The following DLG2 variants were observed in gnomAD, a reference collection of about 807,000 sequenced individuals.
The protein encoded by DLG2 is discs large MAGUK scaffold protein 2.
A neutral mutation model predicts 132.5 loss-of-function variants in DLG2; 45 were observed. The observed-to-expected ratio is 0.34, with a 90% CI of 0.27 to 0.44. The LOEUF (loss-of-function observed/expected upper bound fraction) is 0.44, where lower values mean the gene tolerates loss of function less well. Among genes scored for constraint, DLG2 ranks in the 20% least tolerant of loss-of-function variants. DLG2 has a pLI of 1.00. For missense variants in DLG2, 1,045 were observed against 1,196.9 expected, an observed-to-expected ratio of 0.87 and a Z score of 1.87; for synonymous variants, 424 against 419.6, an observed-to-expected ratio of 1.01 and a Z score of -0.13.
At chr11:85,521,048 A>G (rs1480230333) in intron 3 of DLG2, among the ~76,000 whole-genome samples, 1 of 152,238 alleles carries the variant, frequency 6.6e-6, no homozygotes, top group East Asian at 1.9e-4. Context: ...TCCGCATAGC[A>G]AAGAAACTAA....
chr11:85,573,669 C>G (rs890182588), intron 3 of DLG2, among the ~76,000 whole-genome samples: 1 of 152,132 alleles, frequency 6.6e-6, no homozygotes, highest in East Asian at 1.9e-4. Context: ...TAACTTATAT[C>G]CCCCCAATAA....
chr11:83,866,655 C>A (rs1381133330), intron 16 of DLG2, among the ~76,000 whole-genome samples: 5 of 152,020 alleles, frequency 3.3e-5, no homozygotes, highest in Non-Finnish European at 7.4e-5. Context: ...TTTTTAAACC[C>A]ATTTATTAAA....
intron 11 of DLG2, among the ~76,000 whole-genome samples, chr11:83,985,883 T>C (rs1260254380): frequency 6.6e-6 from 1 of 152,066 alleles, no homozygotes; most frequent in Non-Finnish European, 1.5e-5. Flanking sequence ...AGTGATGGGA[T>C]TGCTAGGTTG....
intron 6 of DLG2, among the ~76,000 whole-genome samples, chr11:85,023,492 C>T (rs536269091): frequency 1.4e-4 from 21 of 152,034 alleles, no homozygotes; most frequent in African/African-American, 1.9e-4. Context: ...ACTTTGTCTA[C>T]TTATCTCCTT....
intron 6 of DLG2, among the ~76,000 whole-genome samples, chr11:84,760,429 T>G (rs994461481): frequency 1.3e-5 from 2 of 152,128 alleles, no homozygotes; most frequent in Non-Finnish European, 2.9e-5. Context: ...ATGTTACAGG[T>G]TTACCAATAG....
chr11:84,938,891 C>A (rs1323527125), intron 6 of DLG2, among the ~76,000 whole-genome samples: 1 of 152,050 alleles, frequency 6.6e-6, no homozygotes, highest in African/African-American at 2.4e-5. Context: ...ATAAATATAA[C>A]CCTTTGTGTG....
In DLG2 at chr11:84,524,543, C is replaced by T. The variant is rs2099314285; in HGVS notation, c.519+10027G>A. Among the ~76,000 whole-genome samples the T allele has an allele frequency of 2.0e-5, 3 of 152,304 alleles. No individual in the cohort carries two copies. In the South Asian group the frequency reaches 6.2e-4, roughly 32 times the overall value. On this transcript the variant is annotated intron_variant, in intron 7 of 27. Coordinates refer to ENST00000376104, the MANE Select transcript of DLG2 (RefSeq NM_001142699.3). Reference sequence around the variant, plus strand: ...GCTGTGCACAAGTCACAAATCTCTGCCAAACCTTTATGTTTTTATTAACTA... The same window carrying T: ...GCTGTGCACAAGTCACAAATCTCTGTCAAACCTTTATGTTTTTATTAACTA...
intron 3 of DLG2, among the ~76,000 whole-genome samples, chr11:85,540,424 G>T (rs983518975): frequency 6.6e-6 from 1 of 152,178 alleles, no homozygotes; most frequent in African/African-American, 2.4e-5. Context: ...AATTTGGTCA[G>T]TAGTGATCAG....
chr11:84,955,294 C>A (rs540558222), intron 6 of DLG2: 1 of 152,282 alleles, frequency 6.6e-6, no homozygotes, highest in South Asian at 2.1e-4. Context: ...CATATTTAAT[C>A]TTCATAACAA....
chr11:84,038,621 T>A (rs2095948912), intron 11 of DLG2, among the ~76,000 whole-genome samples: 1 of 152,126 alleles, frequency 6.6e-6, no homozygotes, highest in Non-Finnish European at 1.5e-5. Flanking sequence ...CTGGGGCAAC[T>A]ACTGTTGTCA....
intron 19 of DLG2, among the ~76,000 whole-genome samples, chr11:83,566,712 G>GGGGT (rs1555199213): frequency 6.9e-6 from 1 of 143,952 alleles, no homozygotes; most frequent in Non-Finnish European, 1.5e-5. Context: ...CAGAGGGCAT[G>GGGGT]GTGTGTGTGT....
At chr11:84,811,652 CAT>C (rs2076570817) in intron 6 of DLG2, among the ~76,000 whole-genome samples, 1 of 152,104 alleles carries the variant, frequency 6.6e-6, no homozygotes, top group Non-Finnish European at 1.5e-5. Context: ...TTCTCCCCCA[CAT>C]GATTATATGT....
At chr11:85,437,133 T>C (rs2091526033) in intron 3 of DLG2, among the ~76,000 whole-genome samples, 1 of 151,858 alleles carries the variant, frequency 6.6e-6, no homozygotes, top group Non-Finnish European at 1.5e-5. Flanking sequence ...GGGAATAACA[T>C]ACACCAGGAA....
In DLG2 at chr11:85,416,974, A is replaced by T. The variant is rs139020294; in HGVS notation, c.41-131609T>A. ...GATTGCCCTGGCCAGAACTTCCAAT[A>T]CTATATCGAATAGGAGTGGTGAGAG... On this transcript the variant is annotated intron_variant, in intron 3 of 27. Coordinates refer to ENST00000376104, the MANE Select transcript of DLG2 (RefSeq NM_001142699.3). 8.8e-3 allele frequency among the ~76,000 whole-genome samples: 1,340 copies of T among 152,194 alleles called. 20 individuals carry two copies. The highest frequency in any genetic ancestry group is 0.03 in the African/African-American group (1,263 of 41,524).
chr11:83,834,578 A>T (rs2055579582), intron 16 of DLG2, among the ~76,000 whole-genome samples: 1 of 152,204 alleles, frequency 6.6e-6, no homozygotes, highest in Non-Finnish European at 1.5e-5. Context: ...TATGATTTTG[A>T]CACACTCAGT....
chr11:84,301,676 A>AAAAAAAAAAAAAAAAAAAAAT (rs1485326211), intron 7 of DLG2, among the ~76,000 whole-genome samples: 1 of 147,736 alleles, frequency 6.8e-6, no homozygotes. Context: ...AAAAAAAAAA[A>AAAAAAAAAAAAAAAAAAAAAT]GTCAAGAAAC....
At chr11:84,082,940 A>T (rs1053343858) in intron 10 of DLG2, among the ~76,000 whole-genome samples, 2 of 152,240 alleles carry the variant, frequency 1.3e-5, no homozygotes, top group East Asian at 3.8e-4. Flanking sequence ...AAGGAGACTT[A>T]GAGATTGCCA....
intron 7 of DLG2, among the ~76,000 whole-genome samples, chr11:84,473,764 G>T (rs1264347088): frequency 6.6e-6 from 1 of 151,998 alleles, no homozygotes; most frequent in Non-Finnish European, 1.5e-5. Context: ...AATACTTTAA[G>T]TCAGAGTAAA....
intron 2 of DLG2, among the ~76,000 whole-genome samples, chr11:85,613,565 C>G (rs958798968): frequency 1.3e-5 from 2 of 152,096 alleles, no homozygotes; most frequent in Admixed American, 1.3e-4. Context: ...CTCTCTGTGT[C>G]TAGCTAAAGG....
Sources: gnomAD v4.1 joint callset for allele counts (sites outside exome capture counted in the v4.1 genomes callset) on GRCh38, gnomAD v4.1.1 for gene constraint, MANE v1.5 for transcripts, NCBI Gene and HGNC (gene_info 2026-07-23, HGNC 2026-07-21) for gene names.